Variants in NRXN3 observed in about 807,000 individuals in gnomAD.
The protein encoded by NRXN3 is neurexin 3.
NRXN3 carries 32 observed loss-of-function variants against 137.6 expected under a neutral mutation model. The ratio of observed to expected loss-of-function variants is 0.23; its 90% CI spans 0.18 to 0.31. NRXN3 has a LOEUF of 0.31. NRXN3 is among the 10% of genes least tolerant of loss of function. NRXN3 has a pLI of 1.00. For missense variants in NRXN3, 1,574 were observed against 2,062.5 expected (o/e 0.76, Z 4.59); for synonymous variants, 798 against 784.5 (o/e 1.02, Z -0.29).
chr14:79,094,137 G>A (rs1239670723), intron 15 of NRXN3, among the ~76,000 whole-genome samples: 2 of 152,138 alleles, frequency 1.3e-5, no homozygotes, highest in Admixed American at 6.5e-5. Flanking sequence ...GCCCAGCTTG[G>A]ACTGCTCTGA....
intron 4 of NRXN3, among the ~76,000 whole-genome samples, chr14:78,520,234 AC>A (rs1413695410): frequency 6.6e-6 from 1 of 152,062 alleles, no homozygotes; most frequent in African/African-American, 2.4e-5. Flanking sequence ...CTTTCCTTTA[AC>A]CTGCACAGAC....
At chr14:79,251,977 C>T (rs959756200) in intron 15 of NRXN3, among the ~76,000 whole-genome samples, 1 of 151,956 alleles carries the variant, frequency 6.6e-6, no homozygotes, top group Non-Finnish European at 1.5e-5. Flanking sequence ...CCATGCCCAG[C>T]CAATTTTTTA....
At chr14:79,524,188 A>C (rs921071202) in intron 16 of NRXN3, among the ~76,000 whole-genome samples, 1 of 152,210 alleles carries the variant, frequency 6.6e-6, no homozygotes, top group Non-Finnish European at 1.5e-5. Flanking sequence ...GGACCTTGGC[A>C]GTGGACTTGC....
At chr14:78,979,923 C>T (rs1047733199) in intron 14 of NRXN3, among the ~76,000 whole-genome samples, 1 of 152,190 alleles carries the variant, frequency 6.6e-6, no homozygotes, top group South Asian at 2.1e-4. Context: ...CACCGGGCCC[C>T]TCCCACAACA....
At chr14:79,732,012 A>G (rs568272192) in intron 19 of NRXN3, among the ~76,000 whole-genome samples, 3 of 151,826 alleles carry the variant, frequency 2.0e-5, no homozygotes, top group Non-Finnish European at 4.4e-5. Flanking sequence ...CCTCCCAATC[A>G]GCTCCACCTA....
At chr14:79,799,252 TGTA>T (rs2099169726) in intron 19 of NRXN3, among the ~76,000 whole-genome samples, 1 of 152,204 alleles carries the variant, frequency 6.6e-6, no homozygotes, top group African/African-American at 2.4e-5. Context: ...TATTTTAACA[TGTA>T]GTAGTATGAA....
intron 4 of NRXN3, among the ~76,000 whole-genome samples, chr14:78,338,658 T>G (rs559927012): frequency 6.6e-5 from 10 of 152,340 alleles, no homozygotes; most frequent in African/African-American, 2.4e-4. Flanking sequence ...AGTTATTTAT[T>G]GCTGCACAAC....
At chr14:79,049,017 C>T (rs1470874348) in intron 15 of NRXN3, among the ~76,000 whole-genome samples, 1 of 75,128 alleles carries the variant, frequency 1.3e-5, no homozygotes, top group Non-Finnish European at 2.2e-5. Context: ...AGCGAAACTC[C>T]GTCTCAAAAA....
At chr14:79,367,889 T>C (rs2093953181) in intron 15 of NRXN3, among the ~76,000 whole-genome samples, 1 of 152,196 alleles carries the variant, frequency 6.6e-6, no homozygotes, top group African/African-American at 2.4e-5. Flanking sequence ...CTTGTGATGT[T>C]TGCAAATCTG....
chr14:79,293,260 C>G (rs2083486384), intron 15 of NRXN3, among the ~76,000 whole-genome samples: 1 of 152,178 alleles, frequency 6.6e-6, no homozygotes, highest in African/African-American at 2.4e-5. Context: ...GATCCACAAC[C>G]TCATCACCAA....
chr14:79,601,320 C>A (rs1223176385), intron 16 of NRXN3, among the ~76,000 whole-genome samples: 1 of 152,108 alleles, frequency 6.6e-6, no homozygotes, highest in Non-Finnish European at 1.5e-5. Flanking sequence ...GGATTACAGG[C>A]AGGAGCCACC....
At chr14:78,224,713 G>A (rs887965861) in intron 1 of NRXN3, among the ~76,000 whole-genome samples, 23 of 136,716 alleles carry the variant, frequency 1.7e-4, no homozygotes, top group Non-Finnish European at 3.0e-4. Flanking sequence ...CTTTGCTATT[G>A]TGAATAGTGC....
chr14:79,001,860 A>G (rs950339717), intron 15 of NRXN3, among the ~76,000 whole-genome samples: 11 of 152,196 alleles, frequency 7.2e-5, no homozygotes, highest in Admixed American at 2.6e-4. Flanking sequence ...CAAAGATTAT[A>G]AATAATGGGG....
intron 8 of NRXN3, among the ~76,000 whole-genome samples, chr14:78,780,358 A>G (rs906913072): frequency 6.6e-6 from 1 of 152,216 alleles, no homozygotes; most frequent in Non-Finnish European, 1.5e-5. Context: ...AATTTTTATA[A>G]GAAAATAATG....
At chr14:79,251,733 T>C (rs1402261695) in intron 15 of NRXN3, among the ~76,000 whole-genome samples, 1 of 152,110 alleles carries the variant, frequency 6.6e-6, no homozygotes, top group Non-Finnish European at 1.5e-5. Context: ...GAAAAACTAA[T>C]GGGATATTTG....
At chr14:79,769,857 G>A (rs1309545492) in intron 19 of NRXN3, among the ~76,000 whole-genome samples, 1 of 152,148 alleles carries the variant, frequency 6.6e-6, no homozygotes, top group Non-Finnish European at 1.5e-5. Context: ...AGACCCATCA[G>A]TGTGCTGTAT....
intron 15 of NRXN3, among the ~76,000 whole-genome samples, chr14:79,298,171 T>C (rs2084515284): frequency 6.6e-6 from 1 of 152,038 alleles, no homozygotes; most frequent in Admixed American, 6.6e-5. Flanking sequence ...TTTATTTGTA[T>C]GAGCAGATTG....
intron 14 of NRXN3, among the ~76,000 whole-genome samples, chr14:78,979,106 C>T (rs929831463): frequency 6.6e-6 from 1 of 152,120 alleles, no homozygotes; most frequent in Non-Finnish European, 1.5e-5. Flanking sequence ...ATGATGCCTA[C>T]TCACACTGGG....
intron 15 of NRXN3, among the ~76,000 whole-genome samples, chr14:79,190,960 G>A (rs540713273): frequency 5.3e-5 from 8 of 152,230 alleles, no homozygotes; most frequent in South Asian, 4.2e-4. Flanking sequence ...TGAATCAGAC[G>A]TACACATACA....
Sources: gnomAD v4.1 joint callset for allele counts (sites outside exome capture counted in the v4.1 genomes callset) on GRCh38, gnomAD v4.1.1 for gene constraint, MANE v1.5 for transcripts, NCBI Gene and HGNC (gene_info 2026-07-23, HGNC 2026-07-21) for gene names.